Variants in SLIT2 observed in about 807,000 individuals in gnomAD.
The protein encoded by SLIT2 is slit guidance ligand 2.
In SLIT2, 41 loss-of-function variants were observed where a neutral mutation model predicts 185.7. That is an observed-to-expected ratio of 0.22 (90% CI 0.17 to 0.29). The LOEUF (loss-of-function observed/expected upper bound fraction) is 0.29. SLIT2 is among the 10% of genes least tolerant of loss of function. The pLI is 1.00. For synonymous variants in SLIT2, 693 were observed against 680.2 expected, an observed-to-expected ratio of 1.02 and a Z score of -0.29; for missense variants, 1,571 against 1,909.0, an observed-to-expected ratio of 0.82 and a Z score of 3.30.
At chr4:20,376,877 G>T (rs1237826407) in intron 4 of SLIT2, among the ~76,000 whole-genome samples, 3 of 152,202 alleles carry the variant, frequency 2.0e-5, no homozygotes, top group East Asian at 3.9e-4. Context: ...CTGTCGTGGA[G>T]CGGGGGTTGG....
intron 4 of SLIT2, among the ~76,000 whole-genome samples, chr4:20,395,027 G>C (rs907142352): frequency 6.6e-6 from 1 of 151,808 alleles, no homozygotes; most frequent in Non-Finnish European, 1.5e-5. Context: ...AGAAATAATT[G>C]CTTTTTATTT....
intron 4 of SLIT2, among the ~76,000 whole-genome samples, chr4:20,365,696 C>A (rs1244777299): frequency 1.3e-5 from 2 of 152,092 alleles, no homozygotes; most frequent in Non-Finnish European, 2.9e-5. Context: ...GGGGACTGGG[C>A]CAGTGAAAGA....
rs35761202 is a variant in SLIT2, at chr4:20,354,906, TGA to T, written c.395+86064_395+86065del. Among the ~76,000 whole-genome samples the T allele has an allele frequency of 3.4e-3, 261 of 77,028 alleles. 1 individual carries two copies. Among genetic ancestry groups the T allele is most frequent in the Middle Eastern group, 0.019 (3 of 154 alleles). 50.5% of individuals were successfully genotyped at this position (77,028 alleles called of 152,430 possible). A position where few individuals can be genotyped will look rare whatever the true frequency, so the allele number is the denominator to read the frequency against. On this transcript the variant is annotated intron_variant, in intron 4 of 36. Coordinates refer to ENST00000504154, the MANE Select transcript of SLIT2 (RefSeq NM_004787.4). The stretch of plus-strand genomic sequence containing the variant: ...GTCTGCGTGTGTGTGTGTGTGTGTG[TGA>T]GAGAGAGAGAGAGAGAGAGAGAGAG...
intron 14 of SLIT2, 65 bp from the exon 15 acceptor site, chr4:20,525,084 A>G: frequency 8.5e-7 from 1 of 1,172,982 alleles, no homozygotes. Flanking sequence ...AATCTAATAT[A>G]ACTCATATCT....
intron 4 of SLIT2, among the ~76,000 whole-genome samples, chr4:20,403,409 C>T (rs9996157): frequency 0.22 from 33,290 of 151,718 alleles, 3,870 homozygotes; most frequent in Non-Finnish European, 0.27. Context: ...TTTGAACCTC[C>T]GTTGCTGGGG....
intron 4 of SLIT2, among the ~76,000 whole-genome samples, chr4:20,336,440 C>T (rs775588468): frequency 6.6e-5 from 10 of 152,238 alleles, no homozygotes; most frequent in Middle Eastern, 6.8e-3. Flanking sequence ...AACAGAAAAC[C>T]TAACACTGCT....
intron 4 of SLIT2, among the ~76,000 whole-genome samples, chr4:20,416,586 A>T (rs1727707247): frequency 6.6e-6 from 1 of 152,148 alleles, no homozygotes; most frequent in African/African-American, 2.4e-5. Context: ...ATGAAAAAAA[A>T]AATCGTATCA....
At chr4:20,315,078 A>G (rs572421166) in intron 4 of SLIT2, among the ~76,000 whole-genome samples, 41 of 152,162 alleles carry the variant, frequency 2.7e-4, no homozygotes, top group African/African-American at 9.1e-4. Flanking sequence ...ATTTTTAGTC[A>G]TCTATCTTAG....
intron 4 of SLIT2, among the ~76,000 whole-genome samples, chr4:20,283,120 GCA>G (rs55949957): frequency 1.4e-3 from 217 of 149,848 alleles, no homozygotes; most frequent in South Asian, 2.8e-3. Flanking sequence ...GTGCGCGCGC[GCA>G]CACACACACA....
At chr4:20,493,921 G>C (rs1003052701) in intron 9 of SLIT2, among the ~76,000 whole-genome samples, 1 of 152,158 alleles carries the variant, frequency 6.6e-6, no homozygotes, top group East Asian at 1.9e-4. Flanking sequence ...CTAGGCAGTA[G>C]GAATGAAAGT....
intron 4 of SLIT2, among the ~76,000 whole-genome samples, chr4:20,405,487 T>C (rs970914631): frequency 6.6e-6 from 1 of 152,012 alleles, no homozygotes; most frequent in Non-Finnish European, 1.5e-5. Context: ...TTCATGATTG[T>C]TATTTAAGTA....
At chr4:20,593,526 A>G (rs924312569) in intron 30 of SLIT2, among the ~76,000 whole-genome samples, 4 of 152,256 alleles carry the variant, frequency 2.6e-5, no homozygotes, top group Admixed American at 1.3e-4. Flanking sequence ...CAGTTACAAG[A>G]TGAATAATAA....
intron 4 of SLIT2, among the ~76,000 whole-genome samples, chr4:20,271,971 G>T (rs1055592414): frequency 6.6e-6 from 1 of 152,010 alleles, no homozygotes; most frequent in African/African-American, 2.4e-5. Context: ...TGCTGCTAGC[G>T]GCCAAATATG....
chr4:20,273,361 A>T (rs1713830785), intron 4 of SLIT2, among the ~76,000 whole-genome samples: 1 of 152,142 alleles, frequency 6.6e-6, no homozygotes. Flanking sequence ...TTTTATGATT[A>T]TACATATAAG....
intron 4 of SLIT2, among the ~76,000 whole-genome samples, chr4:20,321,553 A>G (rs60126904): frequency 0.27 from 41,790 of 152,100 alleles, 6,090 homozygotes; most frequent in Admixed American, 0.38. Context: ...TCCTGACTCT[A>G]GAGCTCAATG....
intron 4 of SLIT2, among the ~76,000 whole-genome samples, chr4:20,367,442 T>A (rs1273872973): frequency 2.0e-5 from 3 of 152,178 alleles, no homozygotes; most frequent in Non-Finnish European, 4.4e-5. Context: ...AGTGTATGGA[T>A]GTAAGAAGCT....
chr4:20,340,495 TA>T (rs1720870363), intron 4 of SLIT2, among the ~76,000 whole-genome samples: 2 of 152,352 alleles, frequency 1.3e-5, no homozygotes, highest in Non-Finnish European at 2.9e-5. Context: ...TCTGGATGTT[TA>T]GGACATATTA....
chr4:20,600,940 T>C (rs866113720), intron 33 of SLIT2, among the ~76,000 whole-genome samples: 7 of 150,856 alleles, frequency 4.6e-5, no homozygotes, highest in Middle Eastern at 3.4e-3. Flanking sequence ...TATTTTTATA[T>C]TGAGAAAATA....
chr4:20,538,082 C>G (rs996758277), intron 18 of SLIT2, among the ~76,000 whole-genome samples: 2 of 152,210 alleles, frequency 1.3e-5, no homozygotes, highest in Non-Finnish European at 2.9e-5. Flanking sequence ...GCCTCAGCCT[C>G]CTGAGTAGCT....
Sources: allele counts gnomAD v4.1 joint callset (sites outside exome capture counted in the v4.1 genomes callset), GRCh38; gene constraint gnomAD v4.1.1; transcripts MANE v1.5; gene names NCBI Gene and HGNC (gene_info 2026-07-23, HGNC 2026-07-21).